CHSY3: variants seen among roughly 807,000 people sequenced by gnomAD.
The protein encoded by CHSY3 is chondroitin sulfate synthase 3.
Under a neutral mutation model 67.2 loss-of-function variants are expected in CHSY3, and 35 were observed. The observed-to-expected ratio is 0.52, with a 90% CI of 0.40 to 0.69. The LOEUF (loss-of-function observed/expected upper bound fraction) is 0.69, where lower values mean the gene tolerates loss of function less well. CHSY3 is among the 30% of genes least tolerant of loss of function. CHSY3 has a pLI of 0.00. For synonymous variants in CHSY3, 474 were observed against 434.7 expected (o/e 1.09, Z -1.12); for missense variants, 1,069 against 1,138.5 (o/e 0.94, Z 0.88).
chr5:130,033,682 T>G (rs13190060), intron 2 of CHSY3, among the ~76,000 whole-genome samples: 48,631 of 151,968 alleles, frequency 0.32, 7,948 homozygotes, highest in South Asian at 0.43. Flanking sequence ...GGAGTCTGGA[T>G]AGCTGAAGAT....
chr5:129,984,302 T>C (rs1327530676), intron 2 of CHSY3, among the ~76,000 whole-genome samples: 1 of 152,150 alleles, frequency 6.6e-6, no homozygotes, highest in Non-Finnish European at 1.5e-5. Flanking sequence ...ATTCCTGTGT[T>C]AATTCAGTTT....
At chr5:129,996,367 A>C (rs1010802735) in intron 2 of CHSY3, among the ~76,000 whole-genome samples, 1 of 152,182 alleles carries the variant, frequency 6.6e-6, no homozygotes, top group Non-Finnish European at 1.5e-5. Context: ...CATACACCAA[A>C]TGTGAGTGTC....
At chr5:129,927,558 C>A (rs986458503) in intron 2 of CHSY3, among the ~76,000 whole-genome samples, 5 of 151,866 alleles carry the variant, frequency 3.3e-5, no homozygotes, top group Non-Finnish European at 5.9e-5. Context: ...AAATTGAGTT[C>A]ATCAAATTTG....
chr5:129,938,267 C>T (rs937974371), intron 2 of CHSY3, among the ~76,000 whole-genome samples: 1 of 152,238 alleles, frequency 6.6e-6, no homozygotes, highest in Non-Finnish European at 1.5e-5. Flanking sequence ...AACCATTCTT[C>T]CGCCCTGGGC....
chr5:130,165,705 C>G (rs1465249737), intron 2 of CHSY3, among the ~76,000 whole-genome samples: 2 of 151,646 alleles, frequency 1.3e-5, no homozygotes, highest in Non-Finnish European at 2.9e-5. Context: ...ACACATATAT[C>G]TGAACACATA....
intron 2 of CHSY3, among the ~76,000 whole-genome samples, chr5:130,018,710 C>T (rs1222012703): frequency 1.3e-5 from 2 of 152,038 alleles, no homozygotes; most frequent in Non-Finnish European, 1.5e-5. Context: ...TTTGTTTGTC[C>T]GCACCAAATC....
At chr5:130,032,893 G>A (rs1764742975) in intron 2 of CHSY3, among the ~76,000 whole-genome samples, 1 of 152,164 alleles carries the variant, frequency 6.6e-6, no homozygotes, top group African/African-American at 2.4e-5. Flanking sequence ...CAGCCACGTA[G>A]ACCAGACAGT....
chr5:130,122,681 G>A lies in CHSY3; in HGVS notation c.1087-61548G>A, dbSNP rs368216226. Among the ~76,000 whole-genome samples, 7 of 152,184 alleles carry A rather than the reference G, an allele frequency of 4.6e-5. No homozygotes were observed. The East Asian group carries it at 9.7e-4, about 21-fold the overall frequency. On this transcript the variant is annotated intron_variant, in intron 2 of 2. Coordinates refer to ENST00000305031, the MANE Select transcript of CHSY3 (RefSeq NM_175856.5). Reference sequence around the variant, plus strand: ...CTTATGGCATTTCCAAAATGAAAGCGGTTTTTGTTTTTTCCAGGTAAACGT... The same window carrying A: ...CTTATGGCATTTCCAAAATGAAAGCAGTTTTTGTTTTTTCCAGGTAAACGT...
At chr5:130,084,664 T>C (rs1766553609) in intron 2 of CHSY3, among the ~76,000 whole-genome samples, 1 of 151,948 alleles carries the variant, frequency 6.6e-6, no homozygotes, top group Admixed American at 6.6e-5. Flanking sequence ...TTGTTTCCAG[T>C]TGTGCTGTTC....
intron 2 of CHSY3, among the ~76,000 whole-genome samples, chr5:130,078,871 G>T (rs1051572293): frequency 6.6e-6 from 1 of 152,152 alleles, no homozygotes; most frequent in Non-Finnish European, 1.5e-5. Context: ...CAGCAGTGGA[G>T]AATAAGGCCG....
intron 2 of CHSY3, among the ~76,000 whole-genome samples, chr5:130,113,290 T>C (rs938889843): frequency 6.6e-6 from 1 of 152,174 alleles, no homozygotes; most frequent in Non-Finnish European, 1.5e-5. Flanking sequence ...AAATCATGCA[T>C]AATGTTCCAA....
intron 2 of CHSY3, among the ~76,000 whole-genome samples, chr5:129,963,811 G>C (rs1157356325): frequency 1.3e-5 from 2 of 150,938 alleles, no homozygotes; most frequent in African/African-American, 4.9e-5. Flanking sequence ...TTTCCTTTAA[G>C]AGTTTGAAAA....
intron 2 of CHSY3, among the ~76,000 whole-genome samples, chr5:129,938,841 C>T (rs145852587): frequency 5.3e-5 from 8 of 152,164 alleles, no homozygotes; most frequent in Admixed American, 1.3e-4. Context: ...CTCATTTTCT[C>T]ATCTTCTTCT....
chr5:130,079,697 T>C (rs1297094804), intron 2 of CHSY3, among the ~76,000 whole-genome samples: 1 of 152,160 alleles, frequency 6.6e-6, no homozygotes, highest in Non-Finnish European at 1.5e-5. Flanking sequence ...CTTGTTCTTT[T>C]ATCTGCAACA....
intron 2 of CHSY3, among the ~76,000 whole-genome samples, chr5:130,078,680 C>T (rs531561265): frequency 5.9e-5 from 9 of 152,242 alleles, no homozygotes; most frequent in Non-Finnish European, 1.3e-4. Flanking sequence ...GGATGCATAG[C>T]TGGTCCTTAA....
intron 2 of CHSY3, among the ~76,000 whole-genome samples, chr5:130,129,835 C>A (rs1768422620): frequency 6.6e-6 from 1 of 151,950 alleles, no homozygotes; most frequent in Non-Finnish European, 1.5e-5. Context: ...ACCATAAGGA[C>A]CCAACGAAAG....
At chr5:129,905,888 C>G in intron 1 of CHSY3, 1 of 766,512 alleles carries the variant, frequency 1.3e-6, no homozygotes, top group Non-Finnish European at 2.0e-6. Flanking sequence ...TCGGTGCCGC[C>G]TCGCGCTTGT....
rs10066410 is a variant in CHSY3, at chr5:130,184,181, G to A, written c.1087-48G>A. The A allele has an allele frequency of 0.88, 1,217,471 of 1,384,992 alleles. 535,954 individuals are homozygous for A. Among genetic ancestry groups the A allele is most frequent in the East Asian group, 1 (39,235 of 39,266 alleles). The allele number at this position is 1,384,992 out of a possible 1,614,324, so 85.8% of individuals were successfully genotyped here. On this transcript the variant is annotated intron_variant, in intron 2 of 2. Transcript: ENST00000305031. ...TAGTTTATCGCTGGTTTTCTTTTTA[G>A]ATAAATCTTTTAAAATTAACCCTGA...
chr5:129,994,046 G>C (rs964686388), intron 2 of CHSY3, among the ~76,000 whole-genome samples: 1 of 152,174 alleles, frequency 6.6e-6, no homozygotes, highest in East Asian at 1.9e-4. Flanking sequence ...GGCCCCCACT[G>C]TCTTCTGGCT....
Sources: allele counts gnomAD v4.1 joint callset (sites outside exome capture counted in the v4.1 genomes callset), GRCh38; gene constraint gnomAD v4.1.1; transcripts MANE v1.5; gene names NCBI Gene and HGNC (gene_info 2026-07-23, HGNC 2026-07-21).